The following CENPP variants were observed in gnomAD, a reference collection of about 807,000 sequenced individuals.
CENPP encodes the protein centromere protein P.
A neutral mutation model predicts 35.6 loss-of-function variants in CENPP; 24 were observed. The ratio of observed to expected loss-of-function variants is 0.67; its 90% CI spans 0.49 to 0.95. The LOEUF (loss-of-function observed/expected upper bound fraction) is 0.95. Ranked by LOEUF, CENPP falls within the 40% of genes least tolerant of loss-of-function variation. CENPP has a pLI of 0.00. For missense variants in CENPP, 332 were observed against 345.3 expected, an observed-to-expected ratio of 0.96 and a Z score of 0.31; for synonymous variants, 120 against 125.5, an observed-to-expected ratio of 0.96 and a Z score of 0.29.
At chr9:92,500,301 G>A (rs944014664) in intron 5 of CENPP, among the ~76,000 whole-genome samples, 5 of 152,090 alleles carry the variant, frequency 3.3e-5, no homozygotes, top group African/African-American at 1.2e-4. Context: ...TCCCACCTCA[G>A]CCTCCTGAGT....
chr9:92,464,260 C>G (rs544719480), intron 5 of CENPP, among the ~76,000 whole-genome samples: 1 of 152,322 alleles, frequency 6.6e-6, no homozygotes, highest in African/African-American at 2.4e-5. Context: ...CACTGGTCAT[C>G]TGGCAGACTT....
chr9:92,571,851 T>C (rs528052092), intron 5 of CENPP, among the ~76,000 whole-genome samples: 84 of 152,270 alleles, frequency 5.5e-4, no homozygotes, highest in African/African-American at 1.8e-3. Flanking sequence ...TCTTTGTCTC[T>C]TTTGACCTTT....
At chr9:92,453,462 A>T (rs1844776172) in intron 5 of CENPP, among the ~76,000 whole-genome samples, 1 of 152,182 alleles carries the variant, frequency 6.6e-6, no homozygotes, top group Non-Finnish European at 1.5e-5. Flanking sequence ...GTGGTCTGAG[A>T]GACAGTTTGT....
chr9:92,415,352 G>A (rs2130955381), intron 5 of CENPP: 1 of 1,613,420 alleles, frequency 6.2e-7, no homozygotes, highest in Non-Finnish European at 8.5e-7. Flanking sequence ...GTGTGTATAT[G>A]AGGGAAGCAG....
Position 92,618,519 on chromosome 9 carries a change from A to T in CENPP, c.*5370A>T, listed in dbSNP as rs542520439. 11 of 456,716 alleles carry T rather than the reference A, an allele frequency of 2.4e-5. No individual in the cohort carries two copies. Among genetic ancestry groups the T allele is most frequent in the African/African-American group, 1.2e-4 (6 of 50,190 alleles). 28.3% of individuals were successfully genotyped at this position (456,716 alleles called of 1,614,324 possible). A position where few individuals can be genotyped will look rare whatever the true frequency, so the allele number is the denominator to read the frequency against. On this transcript the variant is annotated 3_prime_UTR_variant, in exon 8 of 8. Coordinates refer to ENST00000375587, the MANE Select transcript of CENPP (RefSeq NM_001012267.3). ...AAGCACATTTCCATTGCCCAGCTGC[A>T]TCCTTGGTCGGGGGGCTGCTGAACA...
At chr9:92,566,008 C>G (rs1432430423) in intron 5 of CENPP, among the ~76,000 whole-genome samples, 1 of 152,094 alleles carries the variant, frequency 6.6e-6, no homozygotes, top group Non-Finnish European at 1.5e-5. Flanking sequence ...AATTGTAAGA[C>G]ATACAAAGAA....
At chr9:92,429,555 G>A (rs563993808) in intron 5 of CENPP, among the ~76,000 whole-genome samples, 1 of 152,260 alleles carries the variant, frequency 6.6e-6, no homozygotes, top group Admixed American at 6.5e-5. Context: ...GGGAGGCTGA[G>A]GAGGGCGGAT....
At chr9:92,415,389 T>G (rs995976651) in intron 5 of CENPP, 1 of 1,613,474 alleles carries the variant, frequency 6.2e-7, no homozygotes, top group African/African-American at 1.3e-5. Flanking sequence ...TTATTGGTTC[T>G]TTTAGTTTAT....
In CENPP at chr9:92,416,805, A is replaced by G. The variant is rs146940499; in HGVS notation, c.564+36946A>G. On this transcript the variant is annotated intron_variant, in intron 5 of 7. Transcript: ENST00000375587. ...TGAAGTTTTGGAAGTTTGTCGAAGT[A>G]TTTTTCGGGTATAGAAGAAATTGAA... 8.2e-5 allele frequency: 132 copies of G among 1,613,902 alleles called. 1 individual carries two copies. The East Asian group carries it at 2.8e-3, about 34-fold the overall frequency.
intron 4 of CENPP, among the ~76,000 whole-genome samples, chr9:92,366,461 A>G (rs1300829652): frequency 6.6e-6 from 1 of 152,084 alleles, no homozygotes; most frequent in East Asian, 1.9e-4. Context: ...CAGATTGTTT[A>G]TTGTTTGGTA....
chr9:92,443,555 A>AT (rs1398076588), intron 5 of CENPP, among the ~76,000 whole-genome samples: 1 of 152,172 alleles, frequency 6.6e-6, no homozygotes, highest in Non-Finnish European at 1.5e-5. Flanking sequence ...TTTTTGTGTG[A>AT]TTTTACATGC....
intron 5 of CENPP, among the ~76,000 whole-genome samples, chr9:92,512,892 G>T (rs1283287152): frequency 6.6e-6 from 1 of 152,172 alleles, no homozygotes; most frequent in African/African-American, 2.4e-5. Flanking sequence ...AGCATACCTG[G>T]TGTATAGGCC....
intron 4 of CENPP, among the ~76,000 whole-genome samples, chr9:92,363,554 G>A (rs1211843259): frequency 6.6e-6 from 1 of 152,138 alleles, no homozygotes; most frequent in East Asian, 1.9e-4. Context: ...TTAGGTTTAA[G>A]TACACTGTAT....
rs571656731 is a variant in CENPP, at chr9:92,419,353, T to C, written c.564+39494T>C. On this transcript the variant is annotated intron_variant, in intron 5 of 7. Coordinates refer to ENST00000375587, the MANE Select transcript of CENPP (RefSeq NM_001012267.3). Reference sequence around the variant, plus strand: ...TCTTGCTCTGTTGCCCAGACTGGAGTGCAGTGGTGCGATCTCGGCTCACTG... The same window carrying C: ...TCTTGCTCTGTTGCCCAGACTGGAGCGCAGTGGTGCGATCTCGGCTCACTG... Among the ~76,000 whole-genome samples, 342 of 144,490 alleles carry C rather than the reference T, an allele frequency of 2.4e-3. 5 individuals carry two copies. The highest frequency in any genetic ancestry group is 1.1e-3 in the Non-Finnish European group (71 of 67,116). The allele number at this position is 144,490 out of a possible 152,430, so 94.8% of individuals were successfully genotyped here.
chr9:92,445,968 T>C (rs751301737), intron 5 of CENPP, among the ~76,000 whole-genome samples: 6 of 152,168 alleles, frequency 3.9e-5, no homozygotes, highest in Non-Finnish European at 8.8e-5. Flanking sequence ...TTTTTGAAAC[T>C]GAGTGAGAAG....
At chr9:92,474,928 C>G in intron 5 of CENPP, 3 of 1,570,398 alleles carry the variant, frequency 1.9e-6, no homozygotes, top group Non-Finnish European at 2.6e-6. Flanking sequence ...CAGTCTAGGA[C>G]TAAACAGACA....
chr9:92,407,662 A>G (rs1843343477), intron 5 of CENPP, among the ~76,000 whole-genome samples: 1 of 152,200 alleles, frequency 6.6e-6, no homozygotes, highest in African/African-American at 2.4e-5. Flanking sequence ...GCTGGAGTGC[A>G]GTGGCACGAT....
At chr9:92,501,677 T>C (rs1334311918) in intron 5 of CENPP, among the ~76,000 whole-genome samples, 1 of 152,212 alleles carries the variant, frequency 6.6e-6, no homozygotes, top group African/African-American at 2.4e-5. Flanking sequence ...TCTTTTCACC[T>C]GATGAAGACT....
chr9:92,472,506 A>G (rs1326804596), intron 5 of CENPP, among the ~76,000 whole-genome samples: 1 of 151,740 alleles, frequency 6.6e-6, no homozygotes, highest in Non-Finnish European at 1.5e-5. Flanking sequence ...AAAAATATAA[A>G]AATTAGCCAG....
Sources: allele counts gnomAD v4.1 joint callset (sites outside exome capture counted in the v4.1 genomes callset), GRCh38; gene constraint gnomAD v4.1.1; transcripts MANE v1.5; gene names NCBI Gene and HGNC (gene_info 2026-07-23, HGNC 2026-07-21).